Variants in LOC122539214 observed in about 807,000 individuals in gnomAD.
At chr19:52,654,648 C>T in the LOC122539214 span, among the ~76,000 whole-genome samples, 18 of 152,196 alleles carry the variant, frequency 1.2e-4, no homozygotes, top group African/African-American at 3.6e-4. Flanking sequence ...ACCTAGGAGG[C>T]AGAGATTGCA....
chr19:52,681,407 T>A, the LOC122539214 span, among the ~76,000 whole-genome samples: 5 of 151,256 alleles, frequency 3.3e-5, no homozygotes, highest in South Asian at 4.2e-4. Context: ...GAGGACAAAG[T>A]CCAATGAATT....
At chr19:52,658,068 G>A in the LOC122539214 span, among the ~76,000 whole-genome samples, 3 of 151,424 alleles carry the variant, frequency 2.0e-5, no homozygotes, top group Non-Finnish European at 2.9e-5. Flanking sequence ...CCATGAAAGC[G>A]GAGGTTGCAA....
the LOC122539214 span, among the ~76,000 whole-genome samples, chr19:52,682,920 G>A: frequency 6.6e-6 from 1 of 152,032 alleles, no homozygotes; most frequent in Non-Finnish European, 1.5e-5. Context: ...GCCCAGGCTG[G>A]AGTACAGTGG....
the LOC122539214 span, among the ~76,000 whole-genome samples, chr19:52,682,294 A>C: frequency 6.6e-6 from 1 of 152,180 alleles, no homozygotes; most frequent in African/African-American, 2.4e-5. Flanking sequence ...CCAAGATGGG[A>C]GGATCCCTAG....
chr19:52,652,368 G>A, the LOC122539214 span: 14 of 313,938 alleles, frequency 4.5e-5, no homozygotes, highest in Non-Finnish European at 7.4e-5. Flanking sequence ...CTGGGAGGTG[G>A]AGGTTGCCGT....
the LOC122539214 span, among the ~76,000 whole-genome samples, chr19:52,683,889 T>C: frequency 6.6e-6 from 1 of 152,100 alleles, no homozygotes; most frequent in African/African-American, 2.4e-5. Context: ...AAGATGGTAA[T>C]TGTGCATCCT....
chr19:52,661,290 C>T, the LOC122539214 span, among the ~76,000 whole-genome samples: 394 of 152,246 alleles, frequency 2.6e-3, 3 homozygotes, highest in Non-Finnish European at 4.0e-3. Context: ...ATAAGAAAGC[C>T]CCACAGGAAG....
the LOC122539214 span, chr19:52,652,861 T>C: frequency 8.0e-6 from 8 of 994,190 alleles, no homozygotes; most frequent in Non-Finnish European, 1.3e-5. Flanking sequence ...GGATGACATA[T>C]GACTGAAGGT....
At chr19:52,670,268 A>G in the LOC122539214 span, among the ~76,000 whole-genome samples, 1 of 151,768 alleles carries the variant, frequency 6.6e-6, no homozygotes, top group Non-Finnish European at 1.5e-5. Context: ...ATTCCATAAC[A>G]TTTTTCCTGC....
chr19:52,687,657 A>ATAAT, the LOC122539214 span, among the ~76,000 whole-genome samples: 1 of 14,972 alleles, frequency 6.7e-5, no homozygotes. Flanking sequence ...ATATATATAT[A>ATAAT]ATGTATATAT....
At chr19:52,655,241 T>G in the LOC122539214 span, 1 of 278,236 alleles carries the variant, frequency 3.6e-6, no homozygotes, top group South Asian at 7.5e-5. Flanking sequence ...TGTCAGTCAC[T>G]GTCATGCTTT....
At chr19:52,687,356 T>C in the LOC122539214 span, among the ~76,000 whole-genome samples, 1 of 97,400 alleles carries the variant, frequency 1.0e-5, no homozygotes, top group East Asian at 2.5e-4. Context: ...TATATAGCTA[T>C]ATAAATTATA....
At chr19:52,668,537 TC>T in the LOC122539214 span, among the ~76,000 whole-genome samples, 1 of 152,228 alleles carries the variant, frequency 6.6e-6, no homozygotes, top group South Asian at 2.1e-4. Flanking sequence ...TGTGCTTTTT[TC>T]TCCCTCCTCC....
the LOC122539214 span, among the ~76,000 whole-genome samples, chr19:52,689,458 C>T: frequency 1.0e-3 from 156 of 151,826 alleles, 1 homozygote; most frequent in African/African-American, 3.1e-3. Context: ...CTCTGTTCTC[C>T]TTGCCACCAG....
At chr19:52,676,243 G>A in the LOC122539214 span, among the ~76,000 whole-genome samples, 17,791 of 152,176 alleles carry the variant, frequency 0.12, 1,251 homozygotes, top group Non-Finnish European at 0.15. Flanking sequence ...TCGGCCTCCC[G>A]AGGTGCCGGG....
At chr19:52,652,656 A>T in the LOC122539214 span, 2 of 539,188 alleles carry the variant, frequency 3.7e-6, no homozygotes, top group African/African-American at 3.8e-5. Context: ...ATCTCTCTTC[A>T]TTATGGATTC....
the LOC122539214 span, among the ~76,000 whole-genome samples, chr19:52,672,866 G>A: frequency 6.6e-6 from 1 of 152,036 alleles, no homozygotes; most frequent in South Asian, 2.1e-4. Flanking sequence ...ATGAGCCACC[G>A]TGCATGGCAA....
the LOC122539214 span, among the ~76,000 whole-genome samples, chr19:52,654,578 A>G: frequency 3.9e-5 from 6 of 152,166 alleles, no homozygotes; most frequent in Non-Finnish European, 8.8e-5. Context: ...TTAGCCAGGC[A>G]TGGTGGTGGA....
the LOC122539214 span, among the ~76,000 whole-genome samples, chr19:52,678,655 A>G: frequency 6.6e-6 from 1 of 151,938 alleles, no homozygotes; most frequent in Non-Finnish European, 1.5e-5. Context: ...TCATGGAGAC[A>G]CCAACTCAAC....
Sources: gnomAD v4.1 joint callset for allele counts (sites outside exome capture counted in the v4.1 genomes callset) on GRCh38, gnomAD v4.1.1 for gene constraint, MANE v1.5 for transcripts.